Variants in HEBP2 observed in about 807,000 individuals in gnomAD.
The protein encoded by HEBP2 is heme-binding protein 2.
In HEBP2, 27 loss-of-function variants were observed where a neutral mutation model predicts 23.1. The observed-to-expected ratio is 1.17, with a 90% confidence interval of 0.86 to 1.61. HEBP2 has a LOEUF of 1.61. Ranked by LOEUF, HEBP2 falls within the 40% of genes most tolerant of loss-of-function variation. The pLI is 0.00. For synonymous variants in HEBP2, 99 were observed against 95.1 expected (o/e 1.04, Z -0.24); for missense variants, 245 against 253.8 (o/e 0.97, Z 0.24).
At chr6:138,409,088 A>G (rs1774701104) in intron 3 of HEBP2, among the ~76,000 whole-genome samples, 1 of 151,502 alleles carries the variant, frequency 6.6e-6, no homozygotes, top group Non-Finnish European at 1.5e-5. Context: ...GTACAGTGGC[A>G]TGATCATAGC....
Position 138,404,345 on chromosome 6 carries a change from G to A in HEBP2, c.-151G>A. 2.4e-6 allele frequency: 1 copy of A among 412,224 alleles called. No homozygotes were observed. The highest frequency in any genetic ancestry group is 4.0e-6 in the Non-Finnish European group (1 of 252,856). 25.5% of individuals were successfully genotyped at this position (412,224 alleles called of 1,614,324 possible). A position where few individuals can be genotyped will look rare whatever the true frequency, so the allele number is the denominator to read the frequency against. ...CGGTCCAGAGGCAGACGCATCGGGT[G>A]GGCTCGGGTCTCCAGCCCGGCCGGG... On this transcript the variant is annotated 5_prime_UTR_variant, in exon 1 of 4. Transcript: ENST00000607197.
Position 138,420,511 on chromosome 6 carries a change from GCCACCAGCTGCTACTTCA to G in HEBP2, c.*7437_*7454del. The G allele has an allele frequency of 6.6e-6, 1 of 152,332 alleles. No individual in the cohort carries two copies. The highest frequency in any genetic ancestry group is 2.1e-4 in the South Asian group (1 of 4,822). 9.4% of individuals were successfully genotyped at this position (152,332 alleles called of 1,614,324 possible). On this transcript the variant is annotated 3_prime_UTR_variant, in exon 4 of 4. Transcript: ENST00000607197. ...CTGCAAGGAGTGTGGGTAGCTGGCA[GCCACCAGCTGCTACTTCA>G]CCAGGATCCACCTTAGCTTTCAAGC...
chr6:138,409,299 A>G (rs554350924), intron 3 of HEBP2, among the ~76,000 whole-genome samples: 132 of 152,318 alleles, frequency 8.7e-4, no homozygotes, highest in African/African-American at 3.1e-3. Context: ...TACAAGCATG[A>G]GCCACCATGC....
rs1016714840 is a variant in HEBP2 at position 138,420,904 on chromosome 6, C to T, written c.*7826C>T. On this transcript the variant is annotated 3_prime_UTR_variant, in exon 4 of 4. Coordinates refer to ENST00000607197, the MANE Select transcript of HEBP2 (RefSeq NM_014320.3). ...ATGCCCCTCACTGATAGCTCAACCA[C>T]GTTTTCTATCTTTGGGCCTCCTTGT... 1.3e-5 allele frequency: 2 copies of T among 152,192 alleles called. No individual in the cohort carries two copies. The highest frequency in any genetic ancestry group is 6.5e-5 in the Admixed American group (1 of 15,280). The allele number at this position is 152,192 out of a possible 1,614,324, so 9.4% of individuals were successfully genotyped here.
Position 138,413,269 on chromosome 6 carries a change from CTG to C in HEBP2, c.*193_*194del. 1 of 547,744 alleles carries C rather than the reference CTG, an allele frequency of 1.8e-6. No homozygotes were observed. Among genetic ancestry groups the C allele is most frequent in the South Asian group, 2.4e-5 (1 of 42,164 alleles). The allele number at this position is 547,744 out of a possible 1,614,324, so 33.9% of individuals were successfully genotyped here. A position where few individuals can be genotyped will look rare whatever the true frequency, so the allele number is the denominator to read the frequency against. The stretch of plus-strand genomic sequence containing the variant: ...TACACAGGTAACAGAGGACAGTAGT[CTG>C]TAAACATATAAATCGGTCATAACTA... On this transcript the variant is annotated 3_prime_UTR_variant, in exon 4 of 4. Coordinates refer to ENST00000607197, the MANE Select transcript of HEBP2 (RefSeq NM_014320.3).
chr6:138,422,026 AAG>A lies in HEBP2; in HGVS notation c.*8950_*8951del, dbSNP rs1473168591. On this transcript the variant is annotated 3_prime_UTR_variant, in exon 4 of 4. Transcript: ENST00000607197. ...CAAAAAAAATGCATGTATAAACAAA[AAG>A]AAATATTTCAAATATTTACTTTACA... The A allele has an allele frequency of 2.6e-5, 4 of 152,336 alleles. No individual in the cohort carries two copies. Among genetic ancestry groups the A allele is most frequent in the African/African-American group, 4.8e-5 (2 of 41,558 alleles). The allele number at this position is 152,336 out of a possible 1,614,324, so 9.4% of individuals were successfully genotyped here. A position where few individuals can be genotyped will look rare whatever the true frequency, so the allele number is the denominator to read the frequency against.
chr6:138,404,987 C>G (rs1774615103), intron 1 of HEBP2, among the ~76,000 whole-genome samples, 158 bp from the exon 2 acceptor site: 1 of 152,068 alleles, frequency 6.6e-6, no homozygotes, highest in Admixed American at 6.5e-5. Flanking sequence ...GGGAACCTCC[C>G]AGACCTAAGG....
intron 3 of HEBP2, among the ~76,000 whole-genome samples, chr6:138,409,818 A>G (rs74357350): frequency 1.1e-3 from 171 of 152,256 alleles, no homozygotes; most frequent in Non-Finnish European, 1.9e-3. Context: ...CCTTCATGTA[A>G]CATGCCATGT....
rs923573623 is a variant in HEBP2 at position 138,413,374 on chromosome 6, CT to C, written c.*306del. ...CTTCACTGCATCACAATCATATTCCCTTTTTTTTTTCTTGGATTTGTGTCAG... is the reference window on the plus strand; with the variant it reads ...CTTCACTGCATCACAATCATATTCCCTTTTTTTTTCTTGGATTTGTGTCAG... On this transcript the variant is annotated 3_prime_UTR_variant, in exon 4 of 4. Coordinates refer to ENST00000607197, the MANE Select transcript of HEBP2 (RefSeq NM_014320.3). 2.7e-3 allele frequency: 638 copies of C among 239,756 alleles called. 1 individual carries two copies. The highest frequency in any genetic ancestry group is 8.6e-3 in the East Asian group (92 of 10,734). 14.9% of individuals were successfully genotyped at this position (239,756 alleles called of 1,614,324 possible).
rs1327602948 is a variant in HEBP2 at position 138,421,279 on chromosome 6, TCTC to T, written c.*8207_*8209del. 1.3e-5 allele frequency: 2 copies of T among 151,984 alleles called. No homozygotes were observed. Among genetic ancestry groups the T allele is most frequent in the East Asian group, 1.9e-4 (1 of 5,186 alleles). The allele number at this position is 151,984 out of a possible 1,614,324, so 9.4% of individuals were successfully genotyped here. ...GAACCAAGAAAGCCACTCTTTCCCC[TCTC>T]CTCCTAAGATGCCACCACAGAGCAG... On this transcript the variant is annotated 3_prime_UTR_variant, in exon 4 of 4. Coordinates refer to ENST00000607197, the MANE Select transcript of HEBP2 (RefSeq NM_014320.3).
At chr6:138,408,558 C>T (rs1212632247) in intron 3 of HEBP2, among the ~76,000 whole-genome samples, 8 of 152,150 alleles carry the variant, frequency 5.3e-5, no homozygotes, top group Non-Finnish European at 1.2e-4. Context: ...CTTAGACTGC[C>T]GTTGCCATCC....
Position 138,417,937 on chromosome 6 carries a change from C to CTGAG in HEBP2, c.*4860_*4863dup, listed in dbSNP as rs1312595556. ...TCCTCCAACAGGTGTTGCCTTAGTA[C>CTGAG]TGAGGTCAAATTGTCCCTAGACCAA... On this transcript the variant is annotated 3_prime_UTR_variant, in exon 4 of 4. Coordinates refer to ENST00000607197, the MANE Select transcript of HEBP2 (RefSeq NM_014320.3). 2.0e-5 allele frequency: 3 copies of CTGAG among 152,194 alleles called. No individual in the cohort carries two copies. Among genetic ancestry groups the CTGAG allele is most frequent in the Non-Finnish European group, 4.4e-5 (3 of 68,052 alleles). The allele number at this position is 152,194 out of a possible 1,614,324, so 9.4% of individuals were successfully genotyped here. A position where few individuals can be genotyped will look rare whatever the true frequency, so the allele number is the denominator to read the frequency against.
intron 2 of HEBP2, among the ~76,000 whole-genome samples, chr6:138,405,654 G>T (rs1427644427): frequency 6.6e-6 from 1 of 152,162 alleles, no homozygotes; most frequent in African/African-American, 2.4e-5. Context: ...ATTTTAGCAG[G>T]TCTCTTAGCC....
At chr6:138,406,184 T>C in intron 3 of HEBP2, 33 bp downstream of exon 3, 1 of 1,592,136 alleles carries the variant, frequency 6.3e-7, no homozygotes, top group Non-Finnish European at 8.6e-7. Flanking sequence ...CCTTGCTGAC[T>C]GCTAGTTTTA....
chr6:138,412,762 G>A, intron 3 of HEBP2, 118 bp from the exon 4 acceptor site: 1 of 849,090 alleles, frequency 1.2e-6, no homozygotes, highest in Non-Finnish European at 1.9e-6. Context: ...CCGAGAGGGA[G>A]TAACTTTGGA....
chr6:138,405,837 A>T, intron 2 of HEBP2, 134 bp from the exon 3 acceptor site: 2 of 763,514 alleles, frequency 2.6e-6, no homozygotes, highest in Non-Finnish European at 4.1e-6. Context: ...TTACTGTTTT[A>T]AGATGAAAAT....
At position 138,412,926 on chromosome 6, in the gene HEBP2, T is replaced by C; in HGVS notation, c.466T>C (p.Leu156=). The C allele has an allele frequency of 6.2e-7, 1 of 1,614,180 alleles. No individual in the cohort carries two copies. The highest frequency in any genetic ancestry group is 8.5e-7 in the Non-Finnish European group (1 of 1,180,024). Residue 156 remains leucine (L), a synonymous_variant, in exon 4 of 4, where the codon TTG becomes CTG. Coordinates refer to ENST00000607197, the MANE Select transcript of HEBP2 (RefSeq NM_014320.3). ...SSAQKNQEQL[L]TLASILREDG... ...TGCCCAAAAGAATCAAGAACAACTTTTGACATTAGCAAGCATTTTAAGGGA... is the reference window on the plus strand; with the variant it reads ...TGCCCAAAAGAATCAAGAACAACTTCTGACATTAGCAAGCATTTTAAGGGA...
chr6:138,405,908 A>C, intron 2 of HEBP2, 63 bp from the exon 3 acceptor site: 1 of 1,312,588 alleles, frequency 7.6e-7, no homozygotes, highest in South Asian at 1.4e-5. Flanking sequence ...ATCAAAAAAG[A>C]ATAGGTTAAA....
chr6:138,409,610 T>A (rs1268665958), intron 3 of HEBP2, among the ~76,000 whole-genome samples: 2 of 152,224 alleles, frequency 1.3e-5, no homozygotes, highest in East Asian at 3.9e-4. Context: ...CCGTCTTCCC[T>A]GCCACCAGTC....
Sources: allele counts gnomAD v4.1 joint callset (sites outside exome capture counted in the v4.1 genomes callset), GRCh38; gene constraint gnomAD v4.1.1; transcripts MANE v1.5; gene names NCBI Gene and HGNC (gene_info 2026-07-23, HGNC 2026-07-21).